The following TRIM5 variants were observed in gnomAD, a reference collection of about 807,000 sequenced individuals.
TRIM5 encodes tripartite motif containing 5.
In TRIM5, 31 loss-of-function variants were observed where a neutral mutation model predicts 35.6. The observed-to-expected ratio is 0.87, with a 90% CI of 0.65 to 1.18. The LOEUF (loss-of-function observed/expected upper bound fraction) is 1.18, where lower values mean the gene tolerates loss of function less well. TRIM5 is among the 50% of genes most tolerant of loss of function. The pLI, the probability that TRIM5 is intolerant of heterozygous loss-of-function variation, is 0.00. For synonymous variants in TRIM5, 243 were observed against 215.6 expected (o/e 1.13, Z -1.11); for missense variants, 609 against 591.6 (o/e 1.03, Z -0.31).
At chr11:5,669,850 C>A in intron 4 of TRIM5, 1 of 180,940 alleles carries the variant, frequency 5.5e-6, no homozygotes, top group Non-Finnish European at 1.2e-5. Flanking sequence ...ATACGCATGC[C>A]TATAATCCCA....
the TRIM5 span, among the ~76,000 whole-genome samples, chr11:5,654,008 T>G: frequency 6.6e-6 from 1 of 152,118 alleles, no homozygotes; most frequent in South Asian, 2.1e-4. Flanking sequence ...TCTGTTTGGC[T>G]CTTTTTATGG....
chr11:5,678,185 G>A lies in TRIM5; in HGVS notation c.744+19C>T. The A allele has an allele frequency of 6.3e-7, 1 of 1,590,002 alleles. No individual in the cohort carries two copies. Reference sequence around the variant, plus strand: ...ACTTTTCTTTAATCTCAGTGCTCAGGCTTCTTTCCACTTTTTACCTGAAGC... The same window carrying A: ...ACTTTTCTTTAATCTCAGTGCTCAGACTTCTTTCCACTTTTTACCTGAAGC... On this transcript the variant is annotated intron_variant, in intron 4 of 7. Coordinates refer to ENST00000380034, the MANE Select transcript of TRIM5 (RefSeq NM_033034.3).
At chr11:5,631,884 TTAAAAA>T in the TRIM5 span, among the ~76,000 whole-genome samples, 6 of 152,098 alleles carry the variant, frequency 3.9e-5, no homozygotes, top group African/African-American at 1.4e-4. Flanking sequence ...AGGTGGACAT[TTAAAAA>T]TAGATAATGA....
At chr11:5,661,194 A>G (rs1486032358), downstream of TRIM5, among the ~76,000 whole-genome samples, 2 of 151,788 alleles carry the variant, frequency 1.3e-5, no homozygotes, top group African/African-American at 4.8e-5. Context: ...TGTGACAAGT[A>G]TAGCATCAAG....
At chr11:5,603,393 C>G in the TRIM5 span, 3 of 1,613,934 alleles carry the variant, frequency 1.9e-6, no homozygotes, top group South Asian at 3.3e-5. Flanking sequence ...AACCCCTGAG[C>G]ATAGACTGTG....
chr11:5,680,251 G>T lies in TRIM5; in HGVS notation c.-61-13C>A. 6.9e-7 allele frequency: 1 copy of T among 1,447,862 alleles called. No individual in the cohort carries two copies. The highest frequency in any genetic ancestry group is 9.2e-7 in the Non-Finnish European group (1 of 1,083,986). 89.7% of individuals were successfully genotyped at this position (1,447,862 alleles called of 1,614,324 possible). On this transcript the variant is annotated splice_polypyrimidine_tract_variant and intron_variant, in intron 1 of 7. Transcript: ENST00000380034. ...TGTTCACAGATCCCTGCATGATTGGGAAGGTTAAAATGGGACCAAGTAAGA... is the reference window on the plus strand; with the variant it reads ...TGTTCACAGATCCCTGCATGATTGGTAAGGTTAAAATGGGACCAAGTAAGA...
chr11:5,608,311 G>T, the TRIM5 span: 1 of 1,606,794 alleles, frequency 6.2e-7, no homozygotes. Context: ...CATGGAAGGA[G>T]AAATGTGGAT....
chr11:5,594,078 CTTTT>C, the TRIM5 span, among the ~76,000 whole-genome samples: 1 of 152,072 alleles, frequency 6.6e-6, no homozygotes. Flanking sequence ...GTTTTCATTT[CTTTT>C]GAGTAGATTC....
At chr11:5,626,963 A>C in the TRIM5 span, 1 of 152,370 alleles carries the variant, frequency 6.6e-6, no homozygotes, top group East Asian at 1.9e-4. Context: ...CTGGACCATT[A>C]TGAAGTCTGG....
At chr11:5,639,190 A>C in the TRIM5 span, among the ~76,000 whole-genome samples, 1 of 152,182 alleles carries the variant, frequency 6.6e-6, no homozygotes, top group Non-Finnish European at 1.5e-5. Context: ...GTACTCACTC[A>C]GGCACCAGCT....
the TRIM5 span, among the ~76,000 whole-genome samples, chr11:5,598,951 C>G: frequency 1.3e-5 from 2 of 152,058 alleles, no homozygotes. Flanking sequence ...TTCCTTATGC[C>G]CTTTGCAGTT....
At chr11:5,635,708 G>T in the TRIM5 span, among the ~76,000 whole-genome samples, 18 of 152,240 alleles carry the variant, frequency 1.2e-4, no homozygotes, top group Non-Finnish European at 1.5e-4. Flanking sequence ...GAGAGTAACT[G>T]ATTTTCATTT....
the TRIM5 span, among the ~76,000 whole-genome samples, chr11:5,609,142 C>G: frequency 6.6e-6 from 1 of 152,092 alleles, no homozygotes; most frequent in Non-Finnish European, 1.5e-5. Flanking sequence ...TGTTCTCTAT[C>G]ACATACTCCA....
At chr11:5,677,378 G>T (rs979446117) in intron 4 of TRIM5, among the ~76,000 whole-genome samples, 2 of 152,216 alleles carry the variant, frequency 1.3e-5, no homozygotes, top group African/African-American at 4.8e-5. Flanking sequence ...GGCCATCAGA[G>T]AAATGCAAAT....
At chr11:5,631,048 A>C in the TRIM5 span, among the ~76,000 whole-genome samples, 1 of 152,334 alleles carries the variant, frequency 6.6e-6, no homozygotes, top group Non-Finnish European at 1.5e-5. Context: ...TCTCATGGCC[A>C]ACAGCCATCT....
At chr11:5,603,322 C>T in the TRIM5 span, 12 of 1,613,962 alleles carry the variant, frequency 7.4e-6, no homozygotes, top group Non-Finnish European at 1.0e-5. Flanking sequence ...AATGACTTCA[C>T]CAGTACTGGT....
At chr11:5,667,961 G>A (rs1198352363) in intron 4 of TRIM5, among the ~76,000 whole-genome samples, 2 of 152,190 alleles carry the variant, frequency 1.3e-5, no homozygotes, top group East Asian at 3.8e-4. Context: ...GATGGGACAT[G>A]TTTAGAAGGA....
chr11:5,612,503 G>A, the TRIM5 span: 2 of 152,174 alleles, frequency 1.3e-5, no homozygotes, highest in Non-Finnish European at 2.9e-5. Context: ...TTTTCTCTCA[G>A]AATAGAAAGA....
chr11:5,680,020 C>T lies in TRIM5; in HGVS notation c.158G>A (p.Ser53Asn). Residue 53 changes from serine (S) to asparagine (N), a missense_variant, in exon 2 of 8, where the codon AGT (serine) becomes AAT (asparagine). Ser to Asn is a conservative substitution (Grantham distance 46). Coordinates refer to ENST00000380034, the MANE Select transcript of TRIM5 (RefSeq NM_033034.3). ...ACTGATCCGGCACACAGGGCAGCTA[C>T]TCTCTCCTTTGTCTAGCATGGACTT... is the stretch of plus-strand genomic sequence containing the variant. ...HKKSMLDKGESSCPVCRISYQ... is the reference protein window; with the variant it reads ...HKKSMLDKGENSCPVCRISYQ... The T allele has an allele frequency of 6.2e-7, 1 of 1,614,172 alleles. No homozygotes were observed. Among genetic ancestry groups the T allele is most frequent in the Non-Finnish European group, 8.5e-7 (1 of 1,180,026 alleles).
Sources: gnomAD v4.1 joint callset for allele counts (sites outside exome capture counted in the v4.1 genomes callset) on GRCh38, gnomAD v4.1.1 for gene constraint, MANE v1.5 for transcripts, NCBI Gene and HGNC (gene_info 2026-07-23, HGNC 2026-07-21) for gene names.